Variants in NDUFAF2 observed in about 807,000 individuals in gnomAD.
The protein encoded by NDUFAF2 is NADH dehydrogenase [ubiquinone] 1 alpha subcomplex assembly factor 2.
A neutral mutation model predicts 22.8 loss-of-function variants in NDUFAF2; 13 were observed. The ratio of observed to expected loss-of-function variants is 0.57; its 90% CI spans 0.37 to 0.91. NDUFAF2 has a LOEUF of 0.91. Among genes scored for constraint, NDUFAF2 ranks in the 40% least tolerant of loss-of-function variants. NDUFAF2 has a pLI of 0.01. For synonymous variants in NDUFAF2, 53 were observed against 64.2 expected (o/e 0.83, Z 0.84); for missense variants, 162 against 195.2 (o/e 0.83, Z 1.01).
At chr5:61,106,083 A>T (rs771927392) in intron 3 of NDUFAF2, among the ~76,000 whole-genome samples, 32 of 151,518 alleles carry the variant, frequency 2.1e-4, no homozygotes, top group Non-Finnish European at 4.0e-4. Context: ...CTAACCAATA[A>T]ATATAGAAGA....
At chr5:61,001,924 T>C (rs529041278) in intron 1 of NDUFAF2, among the ~76,000 whole-genome samples, 1 of 152,226 alleles carries the variant, frequency 6.6e-6, no homozygotes, top group Non-Finnish European at 1.5e-5. Context: ...AAAACTAGTA[T>C]CGTCATATTT....
At chr5:61,118,250 G>T (rs1464865382) in intron 3 of NDUFAF2, among the ~76,000 whole-genome samples, 1 of 152,146 alleles carries the variant, frequency 6.6e-6, no homozygotes, top group East Asian at 1.9e-4. Context: ...ATTGGAGAGT[G>T]AATCTCTCTT....
chr5:61,113,225 C>G (rs1752867756), intron 3 of NDUFAF2, among the ~76,000 whole-genome samples: 1 of 152,046 alleles, frequency 6.6e-6, no homozygotes, highest in Admixed American at 6.6e-5. Context: ...CTATATTATT[C>G]TGTTTATTTA....
chr5:61,089,657 T>C (rs1281536066), intron 2 of NDUFAF2, among the ~76,000 whole-genome samples: 1 of 152,082 alleles, frequency 6.6e-6, no homozygotes, highest in Non-Finnish European at 1.5e-5. Flanking sequence ...GTAGTTATGT[T>C]TATGTATCTG....
chr5:61,102,377 G>C (rs1201489405), intron 3 of NDUFAF2, among the ~76,000 whole-genome samples: 1 of 152,100 alleles, frequency 6.6e-6, no homozygotes, highest in Non-Finnish European at 1.5e-5. Flanking sequence ...AGTAGATACT[G>C]TACAACCAGT....
chr5:61,020,018 C>CT (rs1751558538), intron 1 of NDUFAF2, among the ~76,000 whole-genome samples: 1 of 152,060 alleles, frequency 6.6e-6, no homozygotes, highest in Non-Finnish European at 1.5e-5. Context: ...TTTAGTTTCT[C>CT]TAATTCTTCT....
At chr5:61,149,917 T>C (rs1044830665) in intron 3 of NDUFAF2, among the ~76,000 whole-genome samples, 2 of 152,144 alleles carry the variant, frequency 1.3e-5, no homozygotes, top group Admixed American at 1.3e-4. Context: ...TCATTGTTGT[T>C]GTTTGGGGGT....
intron 2 of NDUFAF2, among the ~76,000 whole-genome samples, chr5:61,083,485 A>G (rs1161693546): frequency 6.6e-6 from 1 of 152,064 alleles, no homozygotes; most frequent in Admixed American, 6.6e-5. Context: ...CCTCATGAGT[A>G]GCTGGATTAC....
At chr5:61,076,014 T>A (rs1057294903) in intron 2 of NDUFAF2, among the ~76,000 whole-genome samples, 2 of 152,138 alleles carry the variant, frequency 1.3e-5, no homozygotes, top group African/African-American at 4.8e-5. Context: ...TGTATGTTAA[T>A]GGCCACAGAA....
At chr5:61,092,683 A>G (rs894997937) in intron 2 of NDUFAF2, among the ~76,000 whole-genome samples, 2 of 152,086 alleles carry the variant, frequency 1.3e-5, no homozygotes, top group African/African-American at 2.4e-5. Flanking sequence ...CTCTCTTCCT[A>G]TTTGGATGCC....
At chr5:61,001,668 A>C (rs1034682450) in intron 1 of NDUFAF2, among the ~76,000 whole-genome samples, 5 of 152,102 alleles carry the variant, frequency 3.3e-5, no homozygotes, top group Non-Finnish European at 2.9e-5. Context: ...AATAAATAAA[A>C]AGTCAGAATT....
intron 1 of NDUFAF2, among the ~76,000 whole-genome samples, chr5:60,954,337 G>C (rs1750586597): frequency 6.6e-6 from 1 of 152,096 alleles, no homozygotes; most frequent in Non-Finnish European, 1.5e-5. Context: ...AATAATTAGG[G>C]ATCAGTAGAT....
At chr5:60,999,580 G>A (rs1751270766) in intron 1 of NDUFAF2, among the ~76,000 whole-genome samples, 1 of 151,974 alleles carries the variant, frequency 6.6e-6, no homozygotes, top group African/African-American at 2.4e-5. Context: ...CAGTGTGGCT[G>A]CTTAATAGTT....
chr5:60,949,827 A>G (rs1349357708), intron 1 of NDUFAF2, among the ~76,000 whole-genome samples: 2 of 152,126 alleles, frequency 1.3e-5, no homozygotes, highest in Non-Finnish European at 2.9e-5. Flanking sequence ...TATAAAGTAT[A>G]TTATATTGTA....
intron 2 of NDUFAF2, among the ~76,000 whole-genome samples, chr5:61,074,345 T>G (rs571025515): frequency 6.6e-6 from 1 of 152,100 alleles, no homozygotes; most frequent in East Asian, 1.9e-4. Context: ...TCCCAGCACT[T>G]TGGGAGGCCA....
At chr5:61,128,673 T>G (rs1483384642) in intron 3 of NDUFAF2, among the ~76,000 whole-genome samples, 1 of 152,216 alleles carries the variant, frequency 6.6e-6, no homozygotes, top group African/African-American at 2.4e-5. Context: ...GACTTAAATG[T>G]TAGACCTAAA....
At chr5:60,973,800 T>TA (rs1156915665) in intron 1 of NDUFAF2, among the ~76,000 whole-genome samples, 1 of 152,176 alleles carries the variant, frequency 6.6e-6, no homozygotes, top group Non-Finnish European at 1.5e-5. Flanking sequence ...GATGAACTTT[T>TA]TCTTCCCGGA....
At chr5:61,012,298 A>G (rs1751452376) in intron 1 of NDUFAF2, among the ~76,000 whole-genome samples, 2 of 151,906 alleles carry the variant, frequency 1.3e-5, no homozygotes. Context: ...CTGCCTACTC[A>G]GTATTTCCAC....
chr5:61,082,576 G>C (rs1417802216), intron 2 of NDUFAF2, among the ~76,000 whole-genome samples: 1 of 152,090 alleles, frequency 6.6e-6, no homozygotes, highest in Non-Finnish European at 1.5e-5. Flanking sequence ...TTATGTTGAT[G>C]TATACTCAGT....
Sources: allele counts gnomAD v4.1 joint callset (sites outside exome capture counted in the v4.1 genomes callset), GRCh38; gene constraint gnomAD v4.1.1; transcripts MANE v1.5; gene names NCBI Gene and HGNC (gene_info 2026-07-23, HGNC 2026-07-21).